Variants in GALNT14 observed in about 807,000 individuals in gnomAD.
GALNT14 encodes polypeptide N-acetylgalactosaminyltransferase 14, also known as UDP-GalNAc:polypeptide N-acetylgalactosaminyltransferase 14.
A neutral mutation model predicts 77.5 loss-of-function variants in GALNT14; 60 were observed. That is an observed-to-expected ratio of 0.77 (90% CI 0.63 to 0.96). The LOEUF (loss-of-function observed/expected upper bound fraction) is 0.96, where lower values mean the gene tolerates loss of function less well. Ranked by LOEUF, GALNT14 falls within the 40% of genes least tolerant of loss-of-function variation. The pLI, the probability that GALNT14 is intolerant of heterozygous loss-of-function variation, is 0.00. For missense variants in GALNT14, 710 were observed against 731.0 expected (o/e 0.97, Z 0.33); for synonymous variants, 280 against 281.7 (o/e 0.99, Z 0.06).
At chr2:31,049,382 G>C (rs540694312) in intron 1 of GALNT14, among the ~76,000 whole-genome samples, 124 of 152,280 alleles carry the variant, frequency 8.1e-4, no homozygotes, top group African/African-American at 2.9e-3. Context: ...CAGTGTTCAG[G>C]GCTCCTGAAC....
rs1406726480 is a variant in GALNT14 at position 31,000,455 on chromosome 2, G to GTGTGTGTT, written c.130-7449_130-7448insAACACACA. Among the ~76,000 whole-genome samples, 5 of 151,978 alleles carry GTGTGTGTT rather than the reference G, an allele frequency of 3.3e-5. No homozygotes were observed. The East Asian group carries it at 9.6e-4, about 29-fold the overall frequency. ...ACCAACTGTGTGTGTGTGTGTGTGT[G>GTGTGTGTT]TGTGTGTGTGTGTGTGTGTATACAC... is the stretch of plus-strand genomic sequence containing the variant. On this transcript the variant is annotated intron_variant, in intron 1 of 14. Coordinates refer to ENST00000349752, the MANE Select transcript of GALNT14 (RefSeq NM_024572.4).
At chr2:30,892,504 A>C in the GALNT14 span, among the ~76,000 whole-genome samples, 3 of 152,198 alleles carry the variant, frequency 2.0e-5, no homozygotes, top group East Asian at 5.8e-4. Context: ...TTAGCAATTT[A>C]TTATGTCTTG....
chr2:30,889,769 A>T, the GALNT14 span, among the ~76,000 whole-genome samples: 1 of 152,232 alleles, frequency 6.6e-6, no homozygotes, highest in Admixed American at 6.5e-5. Context: ...TTGTATACTT[A>T]AAGGCCTTTG....
In GALNT14 at chr2:30,980,234, T is replaced by C. The variant is rs568381400; in HGVS notation, c.299+12604A>G. ...CAGAGCCTGGACCTCTCTACATTCA[T>C]CCATGTCACCCGTTTCTCCACCCCT... On this transcript the variant is annotated intron_variant, in intron 2 of 14. Transcript: ENST00000349752. Among the ~76,000 whole-genome samples, 450 of 152,320 alleles carry C rather than the reference T, an allele frequency of 3.0e-3. 4 individuals carry two copies. Among genetic ancestry groups the C allele is most frequent in the African/African-American group, 0.01 (424 of 41,580 alleles).
the GALNT14 span, among the ~76,000 whole-genome samples, chr2:30,891,206 A>G: frequency 3.3e-5 from 5 of 152,302 alleles, no homozygotes; most frequent in South Asian, 8.3e-4. Flanking sequence ...AGAATCACCT[A>G]GAGGATTTTC....
At chr2:31,052,765 A>T (rs769904224) in intron 1 of GALNT14, among the ~76,000 whole-genome samples, 2 of 152,256 alleles carry the variant, frequency 1.3e-5, no homozygotes, top group Non-Finnish European at 2.9e-5. Flanking sequence ...TGCCAGATTT[A>T]ACAAACAAAA....
chr2:30,962,038 T>C (rs745405289), intron 3 of GALNT14, among the ~76,000 whole-genome samples: 6 of 152,122 alleles, frequency 3.9e-5, no homozygotes, highest in Admixed American at 1.3e-4. Context: ...TGTGTTTTAA[T>C]AAGCCCTCCG....
rs574334590 is a variant in GALNT14, at chr2:31,134,806, G to T, written c.129+3152C>A. On this transcript the variant is annotated intron_variant, in intron 1 of 14. Coordinates refer to ENST00000349752, the MANE Select transcript of GALNT14 (RefSeq NM_024572.4). ...GGCAGTCTCTGGGTTTAACGGCATG[G>T]AAAAAGCAAGCAGTGGGCAGTTTCA... 4.6e-5 allele frequency among the ~76,000 whole-genome samples: 7 copies of T among 152,296 alleles called. No individual in the cohort carries two copies. In the South Asian group the frequency reaches 1.5e-3, roughly 32 times the overall value.
At chr2:31,119,730 A>G (rs1678297215) in intron 1 of GALNT14, among the ~76,000 whole-genome samples, 1 of 152,258 alleles carries the variant, frequency 6.6e-6, no homozygotes, top group Admixed American at 6.5e-5. Context: ...ACATGTAAGA[A>G]TATGTGTACA....
At chr2:31,038,560 G>A (rs1398239747) in intron 1 of GALNT14, among the ~76,000 whole-genome samples, 2 of 151,994 alleles carry the variant, frequency 1.3e-5, no homozygotes, top group Non-Finnish European at 1.5e-5. Flanking sequence ...GGCGTTGGCC[G>A]GGGGAGGGGG....
In GALNT14 at chr2:30,955,700, T is replaced by C. The variant is rs1667319966; in HGVS notation, c.572A>G (p.Gln191Arg). 3 of 1,614,182 alleles carry C rather than the reference T, an allele frequency of 1.9e-6. No individual in the cohort carries two copies. Among genetic ancestry groups the C allele is most frequent in the Admixed American group, 1.7e-5 (1 of 60,034 alleles). ...RSRIRGADIA[Q>R]GTTLTFLDSH... ...GTCGAGGAAAGTCAGAGTGGTGCCCTGGGCGATGTCAGCGCCCCGAATCCG... is the reference window on the plus strand; with the variant it reads ...GTCGAGGAAAGTCAGAGTGGTGCCCCGGGCGATGTCAGCGCCCCGAATCCG... Residue 191 changes from glutamine to arginine, a missense_variant, in exon 6 of 15, where the codon CAG becomes CGG. Gln to Arg is a conservative substitution (Grantham distance 43). Transcript: ENST00000349752.
At chr2:31,105,546 T>C (rs1439861340) in intron 1 of GALNT14, among the ~76,000 whole-genome samples, 1 of 151,974 alleles carries the variant, frequency 6.6e-6, no homozygotes, top group East Asian at 1.9e-4. Context: ...GCCAACATGG[T>C]AAAACCCCAT....
intron 1 of GALNT14, among the ~76,000 whole-genome samples, chr2:31,110,256 C>T (rs778107850): frequency 9.9e-5 from 15 of 152,162 alleles, no homozygotes; most frequent in Non-Finnish European, 1.6e-4. Context: ...CAGCTTCCTC[C>T]GGACCCTTGT....
intron 1 of GALNT14, among the ~76,000 whole-genome samples, chr2:31,108,613 CA>C (rs1218381640): frequency 6.6e-6 from 1 of 152,170 alleles, no homozygotes; most frequent in Non-Finnish European, 1.5e-5. Flanking sequence ...TCGGTTTTTC[CA>C]AAAGAATGAG....
chr2:30,987,675 C>T (rs1232072833), intron 2 of GALNT14, among the ~76,000 whole-genome samples: 1 of 152,012 alleles, frequency 6.6e-6, no homozygotes, highest in African/African-American at 2.4e-5. Flanking sequence ...GCACAGCTGC[C>T]TGCTGGGTGA....
intron 1 of GALNT14, among the ~76,000 whole-genome samples, chr2:31,063,860 G>T (rs1209563874): frequency 2.0e-5 from 3 of 152,018 alleles, no homozygotes; most frequent in Non-Finnish European, 4.4e-5. Context: ...CTCTCTGCTT[G>T]TCTATTATTC....
intron 2 of GALNT14, among the ~76,000 whole-genome samples, chr2:30,976,623 G>C (rs1290910678): frequency 6.6e-6 from 1 of 150,414 alleles, no homozygotes; most frequent in Admixed American, 6.6e-5. Context: ...GTGTGTGTAT[G>C]TGTGTGTGTG....
intron 1 of GALNT14, among the ~76,000 whole-genome samples, chr2:31,035,647 AC>A (rs1672694840): frequency 7.0e-6 from 1 of 142,614 alleles, no homozygotes; most frequent in Non-Finnish European, 1.5e-5. Context: ...ACACACACAC[AC>A]ACACACACAC....
At chr2:30,944,790 C>A in intron 8 of GALNT14, 68 bp downstream of exon 8, 5 of 1,220,148 alleles carry the variant, frequency 4.1e-6, no homozygotes, top group Non-Finnish European at 5.6e-6. Context: ...ATATTGAGCA[C>A]CTCCCTACAC....
Sources: allele counts gnomAD v4.1 joint callset (sites outside exome capture counted in the v4.1 genomes callset), GRCh38; gene constraint gnomAD v4.1.1; transcripts MANE v1.5; gene names NCBI Gene and HGNC (gene_info 2026-07-23, HGNC 2026-07-21).